Variants in RBPMS observed in about 807,000 individuals in gnomAD.
RBPMS encodes the protein RNA-binding protein with multiple splicing.
Under a neutral mutation model 26.8 loss-of-function variants are expected in RBPMS, and 7 were observed. That is an observed-to-expected ratio of 0.26 (90% CI 0.15 to 0.49). The LOEUF is 0.49. Among genes scored for constraint, RBPMS ranks in the 20% least tolerant of loss-of-function variants. The pLI is 0.98. For missense variants in RBPMS, 186 were observed against 250.0 expected (o/e 0.74, Z 1.73); for synonymous variants, 96 against 93.3 (o/e 1.03, Z -0.17).
chr8:30,487,509 T>G (rs886522791), intron 4 of RBPMS, among the ~76,000 whole-genome samples: 1 of 152,178 alleles, frequency 6.6e-6, no homozygotes, highest in Non-Finnish European at 1.5e-5. Flanking sequence ...ATATGCAATA[T>G]GAGGTATTTT....
At chr8:30,468,861 A>G (rs771162090) in intron 1 of RBPMS, among the ~76,000 whole-genome samples, 1 of 152,228 alleles carries the variant, frequency 6.6e-6, no homozygotes, top group South Asian at 2.1e-4. Flanking sequence ...AGAGAGAGAG[A>G]TGAATGTAGC....
At chr8:30,522,306 G>C (rs1585752477) in intron 5 of RBPMS, among the ~76,000 whole-genome samples, 1 of 146,508 alleles carries the variant, frequency 6.8e-6, no homozygotes, top group Non-Finnish European at 1.5e-5. Context: ...TGGGCAACAA[G>C]AAAGAAACTC....
At chr8:30,461,059 AAG>A (rs1491070517) in intron 1 of RBPMS, among the ~76,000 whole-genome samples, 2,522 of 151,856 alleles carry the variant, frequency 0.017, 55 homozygotes, top group African/African-American at 0.057. Context: ...AAAAAAAAAA[AAG>A]AAATTAACGG....
chr8:30,522,925 T>C (rs773615307), intron 5 of RBPMS, among the ~76,000 whole-genome samples: 10 of 152,242 alleles, frequency 6.6e-5, no homozygotes, highest in Non-Finnish European at 1.2e-4. Context: ...GATAGGTCTA[T>C]ATAAGAAGAA....
At chr8:30,461,116 A>G (rs1320288704) in intron 1 of RBPMS, among the ~76,000 whole-genome samples, 2 of 151,894 alleles carry the variant, frequency 1.3e-5, no homozygotes, top group African/African-American at 4.8e-5. Flanking sequence ...AAAAATGCAT[A>G]TGCACCCCTA....
chr8:30,463,148 AATAGAT>A (rs1816126768), intron 1 of RBPMS, among the ~76,000 whole-genome samples: 1 of 152,190 alleles, frequency 6.6e-6, no homozygotes. Flanking sequence ...GCCACCTTAT[AATAGAT>A]AACATTTTTC....
intron 4 of RBPMS, among the ~76,000 whole-genome samples, chr8:30,500,716 AAG>A (rs527919490): frequency 6.6e-4 from 100 of 152,252 alleles, no homozygotes; most frequent in Non-Finnish European, 1.1e-3. Flanking sequence ...AAATCCTTAT[AAG>A]AGAAAACAGG....
intron 5 of RBPMS, among the ~76,000 whole-genome samples, chr8:30,533,375 T>C (rs565848675): frequency 1.3e-5 from 2 of 152,282 alleles, no homozygotes; most frequent in Admixed American, 6.5e-5. Context: ...GAAAATTTAA[T>C]CCAAGGGCAC....
intron 1 of RBPMS, among the ~76,000 whole-genome samples, chr8:30,468,459 A>G (rs1219997078): frequency 1.3e-5 from 2 of 151,992 alleles, no homozygotes; most frequent in East Asian, 3.9e-4. Context: ...TCTCCTGACA[A>G]ACACATATAG....
intron 4 of RBPMS, among the ~76,000 whole-genome samples, chr8:30,502,879 TACAAC>T (rs1367577190): frequency 1.3e-5 from 2 of 152,196 alleles, no homozygotes; most frequent in African/African-American, 4.8e-5. Flanking sequence ...AAAACAAAAA[TACAAC>T]ACAATATCAG....
intron 4 of RBPMS, among the ~76,000 whole-genome samples, chr8:30,497,134 T>A (rs556054712): frequency 6.6e-6 from 1 of 152,264 alleles, no homozygotes; most frequent in Non-Finnish European, 1.5e-5. Context: ...TCCTAACTTA[T>A]GTTTTTAACT....
intron 1 of RBPMS, among the ~76,000 whole-genome samples, chr8:30,422,072 A>G (rs1189280745): frequency 6.6e-6 from 1 of 151,924 alleles, no homozygotes; most frequent in Non-Finnish European, 1.5e-5. Context: ...GATGGGTAGG[A>G]TAATCTACTG....
chr8:30,534,427 T>TA (rs916799672), intron 5 of RBPMS, among the ~76,000 whole-genome samples: 10 of 152,282 alleles, frequency 6.6e-5, no homozygotes, highest in Admixed American at 4.6e-4. Flanking sequence ...TTCTGGTTTC[T>TA]AGGGATACAT....
intron 6 of RBPMS, among the ~76,000 whole-genome samples, chr8:30,548,960 C>T (rs1407206112): frequency 3.3e-5 from 5 of 152,192 alleles, no homozygotes; most frequent in Admixed American, 2.6e-4. Flanking sequence ...GGGGGTGTCT[C>T]GAGGGCAGTG....
chr8:30,496,695 TGA>T (rs1287454700), intron 4 of RBPMS, among the ~76,000 whole-genome samples: 1 of 152,224 alleles, frequency 6.6e-6, no homozygotes, highest in African/African-American at 2.4e-5. Flanking sequence ...TAAAAATGTT[TGA>T]GTGTCACAAG....
chr8:30,504,389 G>A lies in RBPMS; in HGVS notation c.350G>A (p.Ser117Asn), dbSNP rs773306213. Residue 117 changes from serine (S) to asparagine (N), a missense_variant, in exon 5 of 9, where the codon AGT becomes AAT. Coordinates refer to ENST00000397323, the MANE Select transcript of RBPMS (RefSeq NM_001008710.3). ...AAACTCGTAGGGACTCCAAACCCCA[G>A]TACTCCTCTGCCCAACACTGTACCT... is the stretch of plus-strand genomic sequence containing the variant. ...KNKLVGTPNP[S>N]TPLPNTVPQF... 5 of 1,614,198 alleles carry A rather than the reference G, an allele frequency of 3.1e-6. No homozygotes were observed. The Admixed American group carries it at 8.3e-5, about 27-fold the overall frequency.
intron 1 of RBPMS, among the ~76,000 whole-genome samples, chr8:30,443,302 TG>T (rs1316861037): frequency 6.6e-6 from 1 of 152,196 alleles, no homozygotes; most frequent in Non-Finnish European, 1.5e-5. Context: ...CTAATGTTTT[TG>T]GTAATTATGG....
At chr8:30,508,794 T>A (rs1216448911) in intron 5 of RBPMS, among the ~76,000 whole-genome samples, 1 of 152,218 alleles carries the variant, frequency 6.6e-6, no homozygotes, top group African/African-American at 2.4e-5. Flanking sequence ...TTAAGATGGC[T>A]CATTTGGTTA....
At chr8:30,482,324 T>G (rs541901788) in intron 4 of RBPMS, among the ~76,000 whole-genome samples, 1 of 152,352 alleles carries the variant, frequency 6.6e-6, no homozygotes, top group Non-Finnish European at 1.5e-5. Flanking sequence ...TTGTAATGTT[T>G]TGTTTTATTC....
Sources: gnomAD v4.1 joint callset for allele counts (sites outside exome capture counted in the v4.1 genomes callset) on GRCh38, gnomAD v4.1.1 for gene constraint, MANE v1.5 for transcripts, NCBI Gene and HGNC (gene_info 2026-07-23, HGNC 2026-07-21) for gene names.